Variants in SHANK2 observed in about 807,000 individuals in gnomAD.
SHANK2 encodes the protein SH3 and multiple ankyrin repeat domains protein 2.
A neutral mutation model predicts 133.7 loss-of-function variants in SHANK2; 43 were observed. That is an observed-to-expected ratio of 0.32 (90% CI 0.25 to 0.41). The LOEUF is 0.41. Among genes scored for constraint, SHANK2 ranks in the 10% least tolerant of loss-of-function variants. The pLI, the probability that SHANK2 is intolerant of heterozygous loss-of-function variation, is 1.00. For missense variants in SHANK2, 1,994 were observed against 2,235.8 expected, an observed-to-expected ratio of 0.89 and a Z score of 2.18; for synonymous variants, 1,017 against 952.8, an observed-to-expected ratio of 1.07 and a Z score of -1.24.
At chr11:71,207,109 G>GA (rs201226063) in intron 2 of SHANK2, among the ~76,000 whole-genome samples, 5,162 of 87,600 alleles carry the variant, frequency 0.059, 112 homozygotes, top group African/African-American at 0.075. Flanking sequence ...GAAAAGAAAA[G>GA]AAAAAAAAAT....
At chr11:70,661,853 G>A (rs1278116233) in intron 15 of SHANK2, 175 bp from the exon 16 acceptor site, 2 of 1,580,786 alleles carry the variant, frequency 1.3e-6, no homozygotes, top group Admixed American at 3.3e-5. Flanking sequence ...AAGGAAGAGG[G>A]GGGTGGCTAC....
intron 11 of SHANK2, among the ~76,000 whole-genome samples, chr11:70,857,605 C>T (rs1949191728): frequency 6.6e-6 from 1 of 152,166 alleles, no homozygotes; most frequent in South Asian, 2.1e-4. Context: ...AGAGCACAAG[C>T]AGTTGACATA....
chr11:70,776,081 C>A (rs1162448915), intron 14 of SHANK2, among the ~76,000 whole-genome samples: 1 of 152,360 alleles, frequency 6.6e-6, no homozygotes, highest in African/African-American at 2.4e-5. Flanking sequence ...TGTCCCAGTG[C>A]CAAGCAAGAG....
intron 25 of SHANK2, among the ~76,000 whole-genome samples, chr11:70,477,899 C>T (rs1276226036): frequency 2.6e-5 from 4 of 152,190 alleles, no homozygotes; most frequent in African/African-American, 9.7e-5. Context: ...GGTTACGTTG[C>T]TAAGCAACCG....
At chr11:70,828,912 C>T (rs948700865) in intron 11 of SHANK2, among the ~76,000 whole-genome samples, 1 of 152,254 alleles carries the variant, frequency 6.6e-6, no homozygotes, top group African/African-American at 2.4e-5. Context: ...GAGCCTCATC[C>T]CAAGCCAAGT....
intron 14 of SHANK2, among the ~76,000 whole-genome samples, chr11:70,755,238 A>G (rs900818114): frequency 2.0e-5 from 3 of 152,006 alleles, no homozygotes; most frequent in Non-Finnish European, 4.4e-5. Context: ...CACTCAGCTA[A>G]TTTTTGCATT....
At chr11:71,187,361 T>C (rs1953695043) in intron 2 of SHANK2, among the ~76,000 whole-genome samples, 1 of 152,118 alleles carries the variant, frequency 6.6e-6, no homozygotes, top group African/African-American at 2.4e-5. Flanking sequence ...GGGACAGTTT[T>C]TCATGGGTTT....
chr11:70,846,197 CT>C (rs1948994756), intron 11 of SHANK2, among the ~76,000 whole-genome samples: 1 of 152,126 alleles, frequency 6.6e-6, no homozygotes, highest in African/African-American at 2.4e-5. Context: ...GGAGGCACCC[CT>C]CTTCTTAGGG....
intron 14 of SHANK2, among the ~76,000 whole-genome samples, chr11:70,776,942 C>T (rs1555044020): frequency 6.6e-6 from 1 of 151,202 alleles, no homozygotes; most frequent in African/African-American, 2.4e-5. Flanking sequence ...TTTAGACATC[C>T]ATCCACCCAT....
At chr11:71,147,061 G>A (rs1242001155) in intron 3 of SHANK2, 59 bp downstream of exon 3, 23 of 1,428,758 alleles carry the variant, frequency 1.6e-5, no homozygotes, top group Middle Eastern at 2.4e-4. Context: ...GGCCTCTGGC[G>A]TTCAAGCCAC....
chr11:70,621,274 T>C (rs1204419245), intron 17 of SHANK2, among the ~76,000 whole-genome samples: 1 of 152,158 alleles, frequency 6.6e-6, no homozygotes, highest in Admixed American at 6.5e-5. Flanking sequence ...CATCAGCCCC[T>C]CTTGTCCTGA....
At chr11:70,672,045 C>T (rs556357848) in intron 15 of SHANK2, among the ~76,000 whole-genome samples, 1 of 150,872 alleles carries the variant, frequency 6.6e-6, no homozygotes, top group East Asian at 1.9e-4. Context: ...CAGATCCCCA[C>T]CATACTTTTC....
At chr11:70,582,777 G>A (rs2060200726) in intron 17 of SHANK2, among the ~76,000 whole-genome samples, 1 of 152,172 alleles carries the variant, frequency 6.6e-6, no homozygotes, top group Non-Finnish European at 1.5e-5. Flanking sequence ...AGAAGCTGGC[G>A]GAGCTTCAGA....
At chr11:71,195,065 T>C (rs1334683526) in intron 2 of SHANK2, among the ~76,000 whole-genome samples, 2 of 152,196 alleles carry the variant, frequency 1.3e-5, no homozygotes, top group African/African-American at 4.8e-5. Context: ...AGCTCACTTT[T>C]TACGTAGGGC....
At chr11:70,843,570 C>T (rs552500308) in intron 11 of SHANK2, among the ~76,000 whole-genome samples, 1 of 152,006 alleles carries the variant, frequency 6.6e-6, no homozygotes, top group African/African-American at 2.4e-5. Flanking sequence ...GAGATGAGGA[C>T]AAAGACGCAC....
intron 12 of SHANK2, among the ~76,000 whole-genome samples, chr11:70,812,836 G>A (rs1030714280): frequency 4.6e-5 from 7 of 152,106 alleles, no homozygotes; most frequent in Non-Finnish European, 7.3e-5. Flanking sequence ...GAACAGCCAG[G>A]AGGGATTCTA....
At chr11:70,924,890 C>T (rs1950405529) in intron 10 of SHANK2, among the ~76,000 whole-genome samples, 1 of 152,172 alleles carries the variant, frequency 6.6e-6, no homozygotes, top group African/African-American at 2.4e-5. Context: ...GGGTCTGCCA[C>T]TCCCGGAACA....
At chr11:71,088,713 C>T (rs1951453306) in intron 8 of SHANK2, among the ~76,000 whole-genome samples, 1 of 146,126 alleles carries the variant, frequency 6.8e-6, no homozygotes, top group South Asian at 2.2e-4. Context: ...CTCCCCTCAT[C>T]CTGAACTTGA....
chr11:70,894,495 T>G (rs1949903364), intron 11 of SHANK2, among the ~76,000 whole-genome samples: 2 of 152,014 alleles, frequency 1.3e-5, no homozygotes, highest in South Asian at 4.1e-4. Flanking sequence ...CCCCTCCTGT[T>G]TTTGAGTAGG....
Sources: allele counts gnomAD v4.1 joint callset (sites outside exome capture counted in the v4.1 genomes callset), GRCh38; gene constraint gnomAD v4.1.1; transcripts MANE v1.5; gene names NCBI Gene and HGNC (gene_info 2026-07-23, HGNC 2026-07-21).